Variants in MACROD2 observed in about 807,000 individuals in gnomAD.
MACROD2 encodes the protein ADP-ribose glycohydrolase MACROD2.
In MACROD2, 36 loss-of-function variants were observed where a neutral mutation model predicts 70.4. That is an observed-to-expected ratio of 0.51 (90% confidence interval 0.39 to 0.68). MACROD2 has a LOEUF of 0.68. Ranked by LOEUF, MACROD2 falls within the 30% of genes least tolerant of loss-of-function variation. The pLI, the probability that MACROD2 is intolerant of heterozygous loss-of-function variation, is 0.00. For synonymous variants in MACROD2, 172 were observed against 178.8 expected, an observed-to-expected ratio of 0.96 and a Z score of 0.30; for missense variants, 496 against 538.4, an observed-to-expected ratio of 0.92 and a Z score of 0.78.
intron 4 of MACROD2, among the ~76,000 whole-genome samples, chr20:14,665,812 C>T (rs1458709755): frequency 6.6e-6 from 1 of 152,040 alleles, no homozygotes; most frequent in African/African-American, 2.4e-5. Flanking sequence ...GCACTTTTAT[C>T]TTCCCATTCA....
intron 8 of MACROD2, among the ~76,000 whole-genome samples, chr20:15,772,110 A>G (rs1451210133): frequency 7.9e-6 from 1 of 126,612 alleles, no homozygotes; most frequent in African/African-American, 3.3e-5. Flanking sequence ...AAATATATAT[A>G]TATATATATA....
At chr20:15,247,675 C>T (rs1304102702) in intron 6 of MACROD2, among the ~76,000 whole-genome samples, 1 of 151,850 alleles carries the variant, frequency 6.6e-6, no homozygotes, top group Non-Finnish European at 1.5e-5. Context: ...AGAGAGTGCA[C>T]AGTTAGTAAT....
chr20:14,063,444 G>T (rs1444323670), intron 2 of MACROD2, among the ~76,000 whole-genome samples: 1 of 152,086 alleles, frequency 6.6e-6, no homozygotes, highest in African/African-American at 2.4e-5. Flanking sequence ...TATTGAAACT[G>T]TTCTTGCCAT....
intron 3 of MACROD2, among the ~76,000 whole-genome samples, chr20:14,367,535 C>T (rs2083283336): frequency 6.6e-6 from 1 of 152,134 alleles, no homozygotes; most frequent in Non-Finnish European, 1.5e-5. Flanking sequence ...TTTTGAAGGA[C>T]AATTAGCCAA....
intron 11 of MACROD2, 161 bp downstream of exon 11, chr20:15,933,499 A>G (rs2065611138): frequency 5.2e-6 from 3 of 574,294 alleles, no homozygotes; most frequent in East Asian, 3.2e-5. Flanking sequence ...TCCGATAACT[A>G]TGAGTTGAGT....
chr20:14,858,822 C>T (rs938944929), intron 5 of MACROD2, among the ~76,000 whole-genome samples: 3 of 152,116 alleles, frequency 2.0e-5, no homozygotes, highest in East Asian at 3.8e-4. Flanking sequence ...CTTAGTTCAT[C>T]TGTCTGTAAA....
chr20:15,687,331 A>C (rs1015149659), intron 8 of MACROD2, among the ~76,000 whole-genome samples: 6 of 151,710 alleles, frequency 4.0e-5, no homozygotes, highest in Non-Finnish European at 8.8e-5. Flanking sequence ...TAGTGCTGAC[A>C]ACATAATAAG....
intron 5 of MACROD2, among the ~76,000 whole-genome samples, chr20:15,117,932 T>A (rs1807717253): frequency 1.6e-5 from 2 of 122,456 alleles, no homozygotes; most frequent in South Asian, 4.7e-4. Context: ...TAGTAAAGAA[T>A]CAGTCAATGT....
chr20:15,562,745 C>T (rs2048261134), intron 8 of MACROD2, among the ~76,000 whole-genome samples: 3 of 152,174 alleles, frequency 2.0e-5, no homozygotes, highest in Non-Finnish European at 4.4e-5. Flanking sequence ...TTGACATTTT[C>T]TCTATGTGTT....
intron 3 of MACROD2, among the ~76,000 whole-genome samples, chr20:14,408,283 G>C (rs1038862149): frequency 1.3e-5 from 2 of 152,090 alleles, no homozygotes; most frequent in African/African-American, 4.8e-5. Flanking sequence ...TCTTATATCT[G>C]AGAAGGATGC....
chr20:15,745,688 C>T (rs1038431942), intron 8 of MACROD2, among the ~76,000 whole-genome samples: 4 of 152,036 alleles, frequency 2.6e-5, no homozygotes, highest in Non-Finnish European at 4.4e-5. Flanking sequence ...CCTATATTGT[C>T]GTCTAATTAT....
At chr20:14,223,506 CTTT>C (rs11307206) in intron 3 of MACROD2, among the ~76,000 whole-genome samples, 28 of 93,062 alleles carry the variant, frequency 3.0e-4, no homozygotes, top group Non-Finnish European at 3.4e-4. Flanking sequence ...CCTCTAAATT[CTTT>C]TTTTTTTTTT....
intron 5 of MACROD2, among the ~76,000 whole-genome samples, chr20:15,122,784 G>A (rs1372052047): frequency 1.3e-5 from 2 of 152,116 alleles, no homozygotes; most frequent in African/African-American, 4.8e-5. Flanking sequence ...GCCTCATGAG[G>A]GGGAAAAACA....
At chr20:14,661,803 T>C (rs1986241108) in intron 4 of MACROD2, among the ~76,000 whole-genome samples, 2 of 39,782 alleles carry the variant, frequency 5.0e-5, no homozygotes, top group Non-Finnish European at 8.6e-5. Flanking sequence ...TCTCAATTCT[T>C]TTCAAAAAAC....
intron 8 of MACROD2, among the ~76,000 whole-genome samples, chr20:15,586,909 A>T (rs972641295): frequency 7.2e-5 from 11 of 152,332 alleles, no homozygotes; most frequent in Admixed American, 2.6e-4. Flanking sequence ...AAAAAATCTT[A>T]AAAATATCCT....
chr20:14,937,858 C>G (rs1390262473), intron 5 of MACROD2, among the ~76,000 whole-genome samples: 1 of 152,078 alleles, frequency 6.6e-6, no homozygotes, highest in African/African-American at 2.4e-5. Flanking sequence ...TTCCTAGCCT[C>G]TAGTAACCAC....
intron 3 of MACROD2, among the ~76,000 whole-genome samples, chr20:14,204,472 C>G (rs2081506606): frequency 2.4e-5 from 1 of 42,482 alleles, no homozygotes; most frequent in South Asian, 1.2e-3. Flanking sequence ...ATAGCTGCTT[C>G]TGTCTGGGTA....
intron 3 of MACROD2, among the ~76,000 whole-genome samples, chr20:14,114,669 A>T (rs2054493767): frequency 6.6e-6 from 1 of 152,164 alleles, no homozygotes; most frequent in African/African-American, 2.4e-5. Flanking sequence ...GGGGCACAAG[A>T]TCAGTAAGAC....
intron 9 of MACROD2, among the ~76,000 whole-genome samples, chr20:15,884,504 A>T (rs186232454): frequency 6.6e-6 from 1 of 152,190 alleles, no homozygotes; most frequent in East Asian, 1.9e-4. Context: ...CTCATTAGGC[A>T]GAGGGCAGTC....
Sources: gnomAD v4.1 joint callset for allele counts (sites outside exome capture counted in the v4.1 genomes callset) on GRCh38, gnomAD v4.1.1 for gene constraint, MANE v1.5 for transcripts, NCBI Gene and HGNC (gene_info 2026-07-23, HGNC 2026-07-21) for gene names.